The following VTI1A variants were observed in gnomAD, a reference collection of about 807,000 sequenced individuals.
VTI1A encodes the protein vesicle transport through interaction with t-SNAREs 1A.
In VTI1A, 22 loss-of-function variants were observed where a neutral mutation model predicts 34.9. The ratio of observed to expected loss-of-function variants is 0.63; its 90% CI spans 0.45 to 0.90. The LOEUF (loss-of-function observed/expected upper bound fraction) is 0.90. Among genes scored for constraint, VTI1A ranks in the 40% least tolerant of loss-of-function variants. VTI1A has a pLI of 0.00. For missense variants in VTI1A, 268 were observed against 275.6 expected (o/e 0.97, Z 0.20); for synonymous variants, 87 against 97.3 (o/e 0.89, Z 0.62).
chr10:112,670,676 G>C (rs1025678754), intron 7 of VTI1A, among the ~76,000 whole-genome samples: 3 of 152,194 alleles, frequency 2.0e-5, no homozygotes, highest in African/African-American at 7.2e-5. Context: ...TGGGCTTTCT[G>C]TAGGGAAATC....
At chr10:112,520,672 T>TATATATAA (rs1491585717) in intron 3 of VTI1A, among the ~76,000 whole-genome samples, 3 of 143,994 alleles carry the variant, frequency 2.1e-5, no homozygotes, top group African/African-American at 7.6e-5. Context: ...TATATATATA[T>TATATATAA]AAAACCTCAT....
intron 5 of VTI1A, among the ~76,000 whole-genome samples, chr10:112,608,708 T>C (rs574225790): frequency 2.0e-5 from 3 of 152,314 alleles, no homozygotes; most frequent in East Asian, 3.9e-4. Flanking sequence ...TTGAAAACAA[T>C]TCTATTCACT....
intron 3 of VTI1A, among the ~76,000 whole-genome samples, chr10:112,519,118 G>T (rs1021477938): frequency 6.6e-6 from 1 of 152,006 alleles, no homozygotes; most frequent in Non-Finnish European, 1.5e-5. Flanking sequence ...AGAAACTGTC[G>T]CAACATGGGT....
chr10:112,697,399 C>CTTTTA, intron 7 of VTI1A, among the ~76,000 whole-genome samples: 1 of 114,036 alleles, frequency 8.8e-6, no homozygotes, highest in East Asian at 2.6e-4. Context: ...CTTTTCTTTT[C>CTTTTA]TTTTTTTTTT....
At chr10:112,747,359 C>T (rs1227386986) in intron 7 of VTI1A, among the ~76,000 whole-genome samples, 1 of 152,166 alleles carries the variant, frequency 6.6e-6, no homozygotes, top group Non-Finnish European at 1.5e-5. Context: ...CTTACACAAA[C>T]CTAGATGGTA....
chr10:112,778,057 G>C (rs976334762), intron 7 of VTI1A, among the ~76,000 whole-genome samples: 1 of 152,016 alleles, frequency 6.6e-6, no homozygotes, highest in African/African-American at 2.4e-5. Flanking sequence ...AGCCGAGATC[G>C]TGCCATTGCA....
At chr10:112,462,928 A>C (rs1372723582) in intron 2 of VTI1A, among the ~76,000 whole-genome samples, 2 of 151,230 alleles carry the variant, frequency 1.3e-5, no homozygotes, top group African/African-American at 2.4e-5. Flanking sequence ...TTATTTATTT[A>C]TTTATTTATT....
chr10:112,700,932 C>T (rs570034844), intron 7 of VTI1A, among the ~76,000 whole-genome samples: 1 of 152,208 alleles, frequency 6.6e-6, no homozygotes, highest in Non-Finnish European at 1.5e-5. Context: ...TTTGATTTTA[C>T]AGGTAACTTG....
chr10:112,849,108 CA>C, the VTI1A span, among the ~76,000 whole-genome samples: 1 of 152,186 alleles, frequency 6.6e-6, no homozygotes, highest in Non-Finnish European at 1.5e-5. Context: ...TTAGAAGGCA[CA>C]AGTGCTGGTG....
chr10:112,545,460 GTTAA>G (rs1402149881), intron 5 of VTI1A, among the ~76,000 whole-genome samples: 1 of 152,158 alleles, frequency 6.6e-6, no homozygotes, highest in Non-Finnish European at 1.5e-5. Context: ...AAATATATTT[GTTAA>G]TTATCTCACA....
intron 4 of VTI1A, among the ~76,000 whole-genome samples, chr10:112,535,606 G>C (rs995110331): frequency 2.0e-5 from 3 of 152,156 alleles, no homozygotes; most frequent in Admixed American, 6.6e-5. Flanking sequence ...GCCGAGCTCC[G>C]TTTGAATCCT....
intron 5 of VTI1A, among the ~76,000 whole-genome samples, chr10:112,567,616 A>T (rs920846372): frequency 3.9e-5 from 6 of 152,174 alleles, no homozygotes; most frequent in Non-Finnish European, 8.8e-5. Flanking sequence ...CAGAGGTATG[A>T]TTGGGGGCAG....
At chr10:112,728,962 G>A (rs893660109) in intron 7 of VTI1A, among the ~76,000 whole-genome samples, 1 of 152,082 alleles carries the variant, frequency 6.6e-6, no homozygotes, top group South Asian at 2.1e-4. Flanking sequence ...GTAAGTGGCC[G>A]AGCTGGTCTC....
At chr10:112,854,946 G>C in the VTI1A span, among the ~76,000 whole-genome samples, 2 of 152,200 alleles carry the variant, frequency 1.3e-5, no homozygotes, top group Non-Finnish European at 2.9e-5. Flanking sequence ...AAGGAGCCAA[G>C]AATGGGTCAG....
At chr10:112,792,496 C>G (rs1852517962) in intron 7 of VTI1A, among the ~76,000 whole-genome samples, 1 of 152,114 alleles carries the variant, frequency 6.6e-6, no homozygotes, top group Non-Finnish European at 1.5e-5. Flanking sequence ...AGCTCTCCAG[C>G]CCAATGCTGC....
chr10:112,494,341 G>A (rs901150017), intron 3 of VTI1A, among the ~76,000 whole-genome samples: 1 of 151,800 alleles, frequency 6.6e-6, no homozygotes, highest in African/African-American at 2.4e-5. Context: ...ACAACTTTTG[G>A]TTTCTTTTAT....
chr10:112,535,697 G>C (rs1453857019), intron 4 of VTI1A, among the ~76,000 whole-genome samples: 1 of 152,158 alleles, frequency 6.6e-6, no homozygotes, highest in Non-Finnish European at 1.5e-5. Flanking sequence ...TCACTTACCT[G>C]CTTTGAAAAG....
chr10:112,631,223 GAA>G (rs1846119361), intron 5 of VTI1A, among the ~76,000 whole-genome samples: 1 of 152,104 alleles, frequency 6.6e-6, no homozygotes, highest in East Asian at 1.9e-4. Flanking sequence ...ATAGAGTAAA[GAA>G]TATTAATTTT....
intron 5 of VTI1A, among the ~76,000 whole-genome samples, chr10:112,657,307 C>T (rs1847265650): frequency 6.6e-6 from 1 of 152,104 alleles, no homozygotes; most frequent in Non-Finnish European, 1.5e-5. Context: ...TTACTTTTTC[C>T]ATTTATTCAG....
Sources: gnomAD v4.1 joint callset for allele counts (sites outside exome capture counted in the v4.1 genomes callset) on GRCh38, gnomAD v4.1.1 for gene constraint, MANE v1.5 for transcripts, NCBI Gene and HGNC (gene_info 2026-07-23, HGNC 2026-07-21) for gene names.